Variants in RASA1 observed in about 807,000 individuals in gnomAD.
RASA1 encodes RAS p21 protein activator 1.
A neutral mutation model predicts 132.2 loss-of-function variants in RASA1; 25 were observed. The ratio of observed to expected loss-of-function variants is 0.19; its 90% CI spans 0.14 to 0.26. RASA1 has a LOEUF of 0.26. Among genes scored for constraint, RASA1 ranks in the 10% least tolerant of loss-of-function variants. The pLI is 1.00. For missense variants in RASA1, 964 were observed against 1,299.2 expected (o/e 0.74, Z 3.97); for synonymous variants, 477 against 449.9 (o/e 1.06, Z -0.76).
intron 1 of RASA1, among the ~76,000 whole-genome samples, chr5:87,325,013 A>T (rs1757123275): frequency 6.6e-6 from 1 of 152,146 alleles, no homozygotes; most frequent in African/African-American, 2.4e-5. Context: ...GCTAACAAAG[A>T]CAAACCCGAG....
intron 13 of RASA1, among the ~76,000 whole-genome samples, chr5:87,372,600 C>CT (rs1428681797): frequency 3.9e-5 from 6 of 152,136 alleles, no homozygotes; most frequent in African/African-American, 1.4e-4. Context: ...AAACCTACTG[C>CT]TTAACTCTTA....
At chr5:87,357,803 G>A (rs1759765059) in intron 9 of RASA1, among the ~76,000 whole-genome samples, 1 of 152,150 alleles carries the variant, frequency 6.6e-6, no homozygotes, top group Non-Finnish European at 1.5e-5. Context: ...AATGTGCCTT[G>A]CTCTTGTGTT....
chr5:87,338,758 T>C (rs1383929174), intron 5 of RASA1, among the ~76,000 whole-genome samples: 17 of 151,302 alleles, frequency 1.1e-4, no homozygotes, highest in Non-Finnish European at 2.9e-5. Flanking sequence ...AAACCTCAAC[T>C]GGTTACACAT....
intron 1 of RASA1, among the ~76,000 whole-genome samples, chr5:87,278,933 T>C (rs1754190919): frequency 6.9e-6 from 1 of 145,972 alleles, no homozygotes; most frequent in African/African-American, 2.6e-5. Flanking sequence ...TTTTTTTTTT[T>C]CCTGTGGTCA....
chr5:87,372,550 T>C (rs1761025151), intron 13 of RASA1, among the ~76,000 whole-genome samples: 1 of 152,166 alleles, frequency 6.6e-6, no homozygotes, highest in Non-Finnish European at 1.5e-5. Context: ...CTAATCCCAA[T>C]AAACTTTTTT....
chr5:87,270,879 G>A (rs754937364), intron 1 of RASA1, among the ~76,000 whole-genome samples: 5 of 151,942 alleles, frequency 3.3e-5, no homozygotes, highest in East Asian at 1.9e-4. Context: ...CAAGTCTTTC[G>A]TCAGAGTTTG....
chr5:87,325,411 T>C (rs1297258738), intron 1 of RASA1, among the ~76,000 whole-genome samples: 1 of 152,226 alleles, frequency 6.6e-6, no homozygotes, highest in African/African-American at 2.4e-5. Flanking sequence ...CTTAAGAAGA[T>C]TTTTATGTTT....
At chr5:87,269,350 T>C in intron 1 of RASA1, 1 of 1,506,128 alleles carries the variant, frequency 6.6e-7, no homozygotes, top group Non-Finnish European at 8.9e-7. Flanking sequence ...TATTAACTTG[T>C]GTGTGTTACT....
rs1490882128 is a variant in RASA1, at chr5:87,268,243, C to T, written c.-209C>T. The T allele has an allele frequency of 4.2e-6, 3 of 710,868 alleles. No homozygotes were observed. In the East Asian group the frequency reaches 8.4e-5, roughly 20 times the overall value. 44.0% of individuals were successfully genotyped at this position (710,868 alleles called of 1,614,324 possible). On this transcript the variant is annotated 5_prime_UTR_variant, in exon 1 of 25. Coordinates refer to ENST00000274376, the MANE Select transcript of RASA1 (RefSeq NM_002890.3). Reference sequence around the variant, plus strand: ...GTGCAGGCGTTGGGTTTTTTGCCCACTTGGCTTCCCGTAACCCAGGCAGCT... The same window carrying T: ...GTGCAGGCGTTGGGTTTTTTGCCCATTTGGCTTCCCGTAACCCAGGCAGCT...
At chr5:87,293,109 T>G (rs1338190230) in intron 1 of RASA1, among the ~76,000 whole-genome samples, 1 of 152,164 alleles carries the variant, frequency 6.6e-6, no homozygotes, top group African/African-American at 2.4e-5. Context: ...TTTTTCTGTT[T>G]TACTGCATTA....
At chr5:87,328,579 T>C (rs926339759) in intron 1 of RASA1, among the ~76,000 whole-genome samples, 2 of 152,114 alleles carry the variant, frequency 1.3e-5, no homozygotes, top group Non-Finnish European at 1.5e-5. Context: ...TTATTGAGAG[T>C]ATGTTTTGTA....
intron 1 of RASA1, among the ~76,000 whole-genome samples, chr5:87,305,690 A>T (rs930304577): frequency 6.6e-6 from 1 of 152,232 alleles, no homozygotes; most frequent in Non-Finnish European, 1.5e-5. Context: ...TCAACAGAGT[A>T]AACAGACAAC....
At chr5:87,281,551 T>C (rs1754319094) in intron 1 of RASA1, among the ~76,000 whole-genome samples, 1 of 152,128 alleles carries the variant, frequency 6.6e-6, no homozygotes, top group African/African-American at 2.4e-5. Flanking sequence ...ATATCTTTTT[T>C]TTGAAGAAAT....
chr5:87,312,942 G>T (rs910553573), intron 1 of RASA1, among the ~76,000 whole-genome samples: 2 of 152,222 alleles, frequency 1.3e-5, no homozygotes, highest in African/African-American at 4.8e-5. Flanking sequence ...GATCAACTAT[G>T]AGTAGGCCAG....
intron 1 of RASA1, among the ~76,000 whole-genome samples, chr5:87,273,200 G>C (rs912145547): frequency 6.6e-6 from 1 of 152,114 alleles, no homozygotes; most frequent in Admixed American, 6.5e-5. Flanking sequence ...TTCTGTGTAC[G>C]TGGTGAATCA....
intron 3 of RASA1, among the ~76,000 whole-genome samples, chr5:87,333,034 A>G (rs934336147): frequency 6.6e-6 from 1 of 152,162 alleles, no homozygotes; most frequent in African/African-American, 2.4e-5. Flanking sequence ...ATGATCATTC[A>G]TATTACGTTA....
intron 1 of RASA1, among the ~76,000 whole-genome samples, chr5:87,329,114 T>C (rs1757432829): frequency 6.6e-6 from 1 of 152,110 alleles, no homozygotes; most frequent in African/African-American, 2.4e-5. Context: ...TGAACTGACT[T>C]ATCCATTTTA....
At chr5:87,339,328 G>A (rs1241983184) in intron 5 of RASA1, among the ~76,000 whole-genome samples, 1 of 152,108 alleles carries the variant, frequency 6.6e-6, no homozygotes, top group African/African-American at 2.4e-5. Flanking sequence ...GAAAGAGCTA[G>A]GATTAGGACT....
chr5:87,316,120 A>G (rs1157818101), intron 1 of RASA1, among the ~76,000 whole-genome samples: 1 of 152,216 alleles, frequency 6.6e-6, no homozygotes, highest in Non-Finnish European at 1.5e-5. Context: ...ATGCTCTGAG[A>G]CCAGATCTGT....
Sources: allele counts gnomAD v4.1 joint callset (sites outside exome capture counted in the v4.1 genomes callset), GRCh38; gene constraint gnomAD v4.1.1; transcripts MANE v1.5; gene names NCBI Gene and HGNC (gene_info 2026-07-23, HGNC 2026-07-21).